SEPTIN12: variants seen among roughly 807,000 people sequenced by gnomAD.
SEPTIN12 encodes septin-12.
In SEPTIN12, 42 loss-of-function variants were observed where a neutral mutation model predicts 37.7. The ratio of observed to expected loss-of-function variants is 1.11; its 90% confidence interval spans 0.87 to 1.44. SEPTIN12 has a LOEUF of 1.44. Ranked by LOEUF, SEPTIN12 falls within the 40% of genes most tolerant of loss-of-function variation. The pLI, the probability that SEPTIN12 is intolerant of heterozygous loss-of-function variation, is 0.00. For missense variants in SEPTIN12, 613 were observed against 479.2 expected, an observed-to-expected ratio of 1.28 and a Z score of -2.61; for synonymous variants, 254 against 196.7, an observed-to-expected ratio of 1.29 and a Z score of -2.44.
At chr16:4,789,050 G>A (rs920397680), upstream of SEPTIN12, among the ~76,000 whole-genome samples, 4 of 152,136 alleles carry the variant, frequency 2.6e-5, no homozygotes, top group Non-Finnish European at 5.9e-5. Flanking sequence ...AGACAGCCTC[G>A]CTCTGTTGCC....
chr16:4,791,288 G>A (rs2082547175), upstream of SEPTIN12, among the ~76,000 whole-genome samples: 1 of 152,132 alleles, frequency 6.6e-6, no homozygotes, highest in South Asian at 2.1e-4. Flanking sequence ...GTGTTGACTG[G>A]CAAAAGCCAG....
intron 2 of SEPTIN12, 30 bp downstream of exon 2, chr16:4,787,450 G>C (rs1470100611): frequency 1.2e-6 from 2 of 1,606,540 alleles, no homozygotes; most frequent in Non-Finnish European, 1.7e-6. Context: ...CTGTGGGTCT[G>C]TCCTGCCGTG....
chr16:4,781,444 A>C, intron 7 of SEPTIN12, among the ~76,000 whole-genome samples: 1 of 150,156 alleles, frequency 6.7e-6, no homozygotes, highest in African/African-American at 2.5e-5. Flanking sequence ...ATCACTCCCC[A>C]TTTCTCCCTT....
Position 4,777,852 on chromosome 16 carries a change from G to T in SEPTIN12, c.1022C>A (p.Pro341His), listed in dbSNP as rs267604561. ...CCCCCTGCAGACCTTGAAGGTCCGGGGGGTGGTCAGCTGTCCTGGGGAGGC... is the reference window on the plus strand; with the variant it reads ...CCCCCTGCAGACCTTGAAGGTCCGGTGGGTGGTCAGCTGTCCTGGGGAGGC... Reference protein sequence around the residue: ...APASPGQLTTPRTFKVCRGAH... With the variant: ...APASPGQLTTHRTFKVCRGAH... The change falls in exon 10 of 10, where the codon CCC (proline) becomes CAC (histidine). Residue 341 changes from proline to histidine, a missense_variant. Physicochemically the swap from Pro to His is moderately conservative, Grantham distance 77. Coordinates refer to ENST00000268231, the MANE Select transcript of SEPTIN12 (RefSeq NM_144605.5). 16 of 1,596,366 alleles carry T rather than the reference G, an allele frequency of 1.0e-5. No homozygotes were observed. The African/African-American group carries it at 1.1e-4, about 11-fold the overall frequency.
In SEPTIN12 at chr16:4,785,990, T is replaced by G. The variant is rs140956209; in HGVS notation, c.282A>C (p.Ser94=). 24 of 1,612,880 alleles carry G rather than the reference T, an allele frequency of 1.5e-5. No homozygotes were observed. The highest frequency in any genetic ancestry group is 4.0e-5 in the African/African-American group (3 of 74,794). The stretch of plus-strand genomic sequence containing the variant: ...CAGGGGCTCACTCACCATGGGTCAG[T>G]GAATGCAGCTGCAGCGTCTGGGGTG... The part of the protein sequence containing the change: ...VPTPQTLQLH[S]LTHVIEEKGV... Residue 94 remains serine (S), a synonymous_variant, in exon 3 of 10, where the codon TCA becomes TCC. Transcript: ENST00000268231.
At chr16:4,780,999 G>A (rs897821687) in intron 7 of SEPTIN12, among the ~76,000 whole-genome samples, 9 of 151,990 alleles carry the variant, frequency 5.9e-5, no homozygotes, top group South Asian at 2.1e-4. Flanking sequence ...GGTGGCTCAC[G>A]CCTATAATCC....
intron 7 of SEPTIN12, 100 bp from the exon 8 acceptor site, chr16:4,779,886 T>C: frequency 2.6e-6 from 2 of 763,306 alleles, no homozygotes; most frequent in Non-Finnish European, 4.6e-6. Context: ...TCCTATCCTT[T>C]TCGAGGAGGG....
chr16:4,787,606 A>G lies in SEPTIN12; in HGVS notation c.40T>C (p.Ser14Pro), dbSNP rs1302642347. 4 of 1,603,654 alleles carry G rather than the reference A, an allele frequency of 2.5e-6. No individual in the cohort carries two copies. The East Asian group carries it at 8.9e-5, about 36-fold the overall frequency. ...LRRSPSPCLS[S>P]QPSSPSTPPC... is the part of the protein sequence containing the mutation. ...GGGGTGCTGGGGCTGGAGGGCTGCGAGGACAGGCAGGGAGAGGGGGAGCGC... is the reference window on the plus strand; with the variant it reads ...GGGGTGCTGGGGCTGGAGGGCTGCGGGGACAGGCAGGGAGAGGGGGAGCGC... The change falls in exon 2 of 10, where the codon TCG becomes CCG. Residue 14 changes from serine (S) to proline (P), a missense_variant. Physicochemically the swap from Ser to Pro is moderately conservative, Grantham distance 74. Coordinates refer to ENST00000268231, the MANE Select transcript of SEPTIN12 (RefSeq NM_144605.5).
At chr16:4,782,774 C>T (rs9927940) in intron 7 of SEPTIN12, among the ~76,000 whole-genome samples, 9,885 of 151,146 alleles carry the variant, frequency 0.065, 1,092 homozygotes, top group African/African-American at 0.23. Flanking sequence ...CAGCTGATTT[C>T]TTGTATTTTT....
Position 4,783,910 on chromosome 16 carries a change from TTGCAGG to T in SEPTIN12, c.512+15_512+20del. On this transcript the variant is annotated intron_variant, in intron 5 of 9. Transcript: ENST00000268231. ...CTGCCCCGTGCAGGTGGTCCTCGCC[TTGCAGG>T]TGCAGCCCCCTCACCAGTGCCCAGT... The T allele has an allele frequency of 6.2e-7, 1 of 1,613,830 alleles. No individual in the cohort carries two copies. The highest frequency in any genetic ancestry group is 8.5e-7 in the Non-Finnish European group (1 of 1,179,796).
chr16:4,786,162 C>CT (rs1246435749), intron 2 of SEPTIN12, 57 bp from the exon 3 acceptor site: 1 of 1,528,940 alleles, frequency 6.5e-7, no homozygotes, highest in Non-Finnish European at 8.8e-7. Flanking sequence ...CAGTTTTTCT[C>CT]TAACTCTTTA....
Position 4,777,879 on chromosome 16 carries a change from G to T in SEPTIN12, c.995C>A (p.Pro332Gln). Residue 332 changes from proline to glutamine, a missense_variant, in exon 10 of 10, where the codon CCG (proline) becomes CAG (glutamine). By Grantham distance (76) the Pro-to-Gln change is moderately conservative. Transcript: ENST00000268231. The stretch of plus-strand genomic sequence containing the variant: ...GGTGGTCAGCTGTCCTGGGGAGGCC[G>T]GGGCCAGGTTCACCCAGCCGGGCCC... ...PRGPGWVNLA[P>Q]ASPGQLTTPR... 1.9e-6 allele frequency: 3 copies of T among 1,597,450 alleles called. No individual in the cohort carries two copies. The highest frequency in any genetic ancestry group is 2.6e-6 in the Non-Finnish European group (3 of 1,172,744).
rs760512752 is a variant in SEPTIN12 at position 4,784,044 on chromosome 16, G to C, written c.399C>G (p.Ile133Met). 6 of 1,614,178 alleles carry C rather than the reference G, an allele frequency of 3.7e-6. No individual in the cohort carries two copies. The highest frequency in any genetic ancestry group is 8.5e-7 in the Non-Finnish European group (1 of 1,180,024). The change falls in exon 5 of 10, where the codon ATC (isoleucine) becomes ATG (methionine). Residue 133 changes from isoleucine (I) to methionine (M), a missense_variant. Physicochemically the swap from Ile to Met is conservative, Grantham distance 10. Coordinates refer to ENST00000268231, the MANE Select transcript of SEPTIN12 (RefSeq NM_144605.5). The stretch of plus-strand genomic sequence containing the variant: ...GCAGGTACTGCTCGTATTGCTCGTT[G>C]ATGTAGCCCAGGATGGGGTCCCAGC... ...DNCWDPILGY[I>M]NEQYEQYLQE...
At position 4,787,020 on chromosome 16, in the gene SEPTIN12, C is replaced by T. The variant is rs115392858; in HGVS notation, c.166+460G>A. On this transcript the variant is annotated intron_variant, in intron 2 of 9. Transcript: ENST00000268231. ...CTCCTAAGTAGCTCCTAAGTACAGG[C>T]GCCCACCACCACGCCTGGCAAATTT... is the stretch of plus-strand genomic sequence containing the variant. Among the ~76,000 whole-genome samples the T allele has an allele frequency of 6.6e-3, 1,006 of 152,116 alleles. 9 individuals carry two copies. Among genetic ancestry groups the T allele is most frequent in the African/African-American group, 0.022 (904 of 41,488 alleles).
At chr16:4,786,635 G>A (rs1319926071) in intron 2 of SEPTIN12, among the ~76,000 whole-genome samples, 7 of 151,844 alleles carry the variant, frequency 4.6e-5, no homozygotes, top group East Asian at 1.9e-4. Context: ...GATTACAGGC[G>A]TGAGCCACCA....
chr16:4,786,229 A>C, intron 2 of SEPTIN12, 124 bp from the exon 3 acceptor site: 1 of 1,254,264 alleles, frequency 8.0e-7, no homozygotes. Flanking sequence ...GCTGGAGTGC[A>C]ATGATGCAAT....
rs8060334 is a variant in SEPTIN12, at chr16:4,780,067, G to C, written c.727-281C>G. On this transcript the variant is annotated intron_variant, in intron 7 of 9. Transcript: ENST00000268231. The stretch of plus-strand genomic sequence containing the variant: ...GACCAGCCTGGGCAACATGGTGAAA[G>C]GCCATCTCTGCAAAAACTAAAAAAT... Among the ~76,000 whole-genome samples the C allele has an allele frequency of 0.31, 46,663 of 151,540 alleles. 7,514 individuals are homozygous for C. The highest frequency in any genetic ancestry group is 0.42 in the South Asian group (1,999 of 4,782).
At chr16:4,786,217 A>G (rs562431610) in intron 2 of SEPTIN12, 112 bp from the exon 3 acceptor site, 70 of 1,360,786 alleles carry the variant, frequency 5.1e-5, no homozygotes, top group Non-Finnish European at 6.7e-5. Context: ...TCTGTCACCC[A>G]GGCTGGAGTG....
upstream of SEPTIN12, among the ~76,000 whole-genome samples, chr16:4,791,093 C>T (rs185824192): frequency 3.3e-5 from 5 of 152,342 alleles, no homozygotes; most frequent in South Asian, 4.1e-4. Flanking sequence ...TAAGGAAATG[C>T]GCCTCTGTGC....
Sources: gnomAD v4.1 joint callset for allele counts (sites outside exome capture counted in the v4.1 genomes callset) on GRCh38, gnomAD v4.1.1 for gene constraint, MANE v1.5 for transcripts, NCBI Gene and HGNC (gene_info 2026-07-23, HGNC 2026-07-21) for gene names.